The following VAV3 variants were observed in gnomAD, a reference collection of about 807,000 sequenced individuals.
The protein encoded by VAV3 is guanine nucleotide exchange factor VAV3.
Under a neutral mutation model 131.2 loss-of-function variants are expected in VAV3, and 94 were observed. The observed-to-expected ratio is 0.72, with a 90% CI of 0.61 to 0.85. The LOEUF (loss-of-function observed/expected upper bound fraction) is 0.85. Ranked by LOEUF, VAV3 falls within the 40% of genes least tolerant of loss-of-function variation. The probability of loss-of-function intolerance (pLI) is 0.00; values close to 1 mark genes in which losing one functional copy is unlikely to be tolerated. For synonymous variants in VAV3, 349 were observed against 342.0 expected, an observed-to-expected ratio of 1.02 and a Z score of -0.22; for missense variants, 939 against 1,002.7, an observed-to-expected ratio of 0.94 and a Z score of 0.86.
At chr1:107,677,636 A>G (rs1156796717) in intron 19 of VAV3, among the ~76,000 whole-genome samples, 1 of 152,222 alleles carries the variant, frequency 6.6e-6, no homozygotes, top group Non-Finnish European at 1.5e-5. Context: ...AATATTTAAT[A>G]GATATATACT....
chr1:107,595,622 C>T (rs919385904), intron 25 of VAV3, among the ~76,000 whole-genome samples: 17 of 152,252 alleles, frequency 1.1e-4, no homozygotes, highest in African/African-American at 2.9e-4. Context: ...AAAAGGTTTT[C>T]GACTTAGACT....
At chr1:107,575,010 C>T (rs1413564620) in intron 25 of VAV3, among the ~76,000 whole-genome samples, 1,757 of 21,532 alleles carry the variant, frequency 0.082, 35 homozygotes, top group African/African-American at 0.1. Context: ...TGCGCGCGCG[C>T]GCGCGCACAC....
intron 19 of VAV3, among the ~76,000 whole-genome samples, chr1:107,681,813 C>G (rs1364833738): frequency 6.6e-6 from 1 of 152,042 alleles, no homozygotes; most frequent in Non-Finnish European, 1.5e-5. Context: ...GCCACCACCC[C>G]CAGCTATTTT....
chr1:107,797,376 T>C (rs552814482), intron 2 of VAV3, among the ~76,000 whole-genome samples: 2 of 152,322 alleles, frequency 1.3e-5, no homozygotes, highest in South Asian at 4.1e-4. Flanking sequence ...TAAATTCTAC[T>C]AGGTGTCAGG....
At chr1:107,922,844 C>G (rs376708924) in intron 1 of VAV3, among the ~76,000 whole-genome samples, 1 of 150,796 alleles carries the variant, frequency 6.6e-6, no homozygotes, top group African/African-American at 2.4e-5. Context: ...CCCAGCTACT[C>G]GGGAGGCTGA....
intron 15 of VAV3, among the ~76,000 whole-genome samples, chr1:107,737,738 C>T (rs960591975): frequency 3.9e-5 from 6 of 152,166 alleles, no homozygotes; most frequent in African/African-American, 1.4e-4. Context: ...GAAATAGGAA[C>T]ACTTTTACAC....
chr1:107,960,988 A>C (rs998834335), intron 1 of VAV3, among the ~76,000 whole-genome samples: 2 of 151,884 alleles, frequency 1.3e-5, no homozygotes, highest in Admixed American at 1.3e-4. Flanking sequence ...TCATTTATTT[A>C]TGGTTCAACT....
At chr1:107,818,406 G>A (rs1444376000) in intron 2 of VAV3, among the ~76,000 whole-genome samples, 4 of 150,824 alleles carry the variant, frequency 2.7e-5, no homozygotes, top group African/African-American at 9.8e-5. Flanking sequence ...CATGCTTTCA[G>A]TAATGATTAC....
chr1:107,666,458 T>G (rs919726205), intron 19 of VAV3, among the ~76,000 whole-genome samples: 2 of 152,060 alleles, frequency 1.3e-5, no homozygotes, highest in South Asian at 4.1e-4. Flanking sequence ...GGCAGGTAGG[T>G]GAAATCTGTG....
At chr1:107,913,864 C>T (rs1339885057) in intron 1 of VAV3, among the ~76,000 whole-genome samples, 1 of 152,134 alleles carries the variant, frequency 6.6e-6, no homozygotes, top group Non-Finnish European at 1.5e-5. Context: ...GGCATGATCT[C>T]AGCTCACTGC....
chr1:107,646,577 T>C (rs1045736344), intron 19 of VAV3, among the ~76,000 whole-genome samples: 5 of 152,194 alleles, frequency 3.3e-5, no homozygotes, highest in East Asian at 3.9e-4. Context: ...TCCTGCCAGA[T>C]GTTTAATTAT....
At chr1:107,805,751 T>C (rs78452835) in intron 2 of VAV3, among the ~76,000 whole-genome samples, 23,000 of 152,172 alleles carry the variant, frequency 0.15, 2,014 homozygotes, top group East Asian at 0.29. Context: ...ATTCCAGTCT[T>C]CTCTGTCTGG....
chr1:107,799,747 C>T (rs35259615), intron 2 of VAV3, among the ~76,000 whole-genome samples: 15,365 of 152,148 alleles, frequency 0.1, 898 homozygotes, highest in Non-Finnish European at 0.13. Context: ...TAGAGTCATG[C>T]TAACTACAGT....
chr1:107,599,920 C>T (rs747932129), intron 24 of VAV3, among the ~76,000 whole-genome samples: 6 of 150,718 alleles, frequency 4.0e-5, no homozygotes, highest in Non-Finnish European at 7.4e-5. Context: ...TTATTTGACT[C>T]CAACATGATA....
chr1:107,805,563 T>G (rs1449207116), intron 2 of VAV3, among the ~76,000 whole-genome samples: 1 of 152,208 alleles, frequency 6.6e-6, no homozygotes, highest in Non-Finnish European at 1.5e-5. Context: ...GAATTGCTTT[T>G]CTGTGTTATC....
At chr1:107,922,981 G>T (rs922563732) in intron 1 of VAV3, among the ~76,000 whole-genome samples, 1 of 144,482 alleles carries the variant, frequency 6.9e-6, no homozygotes, top group Non-Finnish European at 1.5e-5. Flanking sequence ...AAAAAAAAGA[G>T]CACAATTTGA....
At chr1:107,721,378 C>T (rs1419288299) in intron 15 of VAV3, among the ~76,000 whole-genome samples, 1 of 152,110 alleles carries the variant, frequency 6.6e-6, no homozygotes, top group Non-Finnish European at 1.5e-5. Context: ...GGCCAATAAC[C>T]TTTATCAAGG....
At chr1:107,837,644 A>G (rs1668533294) in intron 2 of VAV3, among the ~76,000 whole-genome samples, 1 of 152,204 alleles carries the variant, frequency 6.6e-6, no homozygotes, top group African/African-American at 2.4e-5. Context: ...ACTACACTAC[A>G]AGGCTACAGT....
At chr1:107,752,455 T>C (rs535947451) in intron 12 of VAV3, among the ~76,000 whole-genome samples, 41 of 152,302 alleles carry the variant, frequency 2.7e-4, no homozygotes, top group African/African-American at 9.4e-4. Context: ...GATTGATAAA[T>C]GGGACTTTGT....
Sources: allele counts gnomAD v4.1 joint callset (sites outside exome capture counted in the v4.1 genomes callset), GRCh38; gene constraint gnomAD v4.1.1; transcripts MANE v1.5; gene names NCBI Gene and HGNC (gene_info 2026-07-23, HGNC 2026-07-21).